The following WDR17 variants were observed in gnomAD, a reference collection of about 807,000 sequenced individuals.
The protein encoded by WDR17 is WD repeat-containing protein 17.
WDR17 carries 143 observed loss-of-function variants against 161.7 expected under a neutral mutation model. The ratio of observed to expected loss-of-function variants is 0.88; its 90% CI spans 0.77 to 1.02. WDR17 has a LOEUF of 1.02. Ranked by LOEUF, WDR17 falls within the 50% of genes least tolerant of loss-of-function variation. WDR17 has a pLI of 0.00. For missense variants in WDR17, 1,469 were observed against 1,520.9 expected (o/e 0.97, Z 0.57); for synonymous variants, 517 against 515.6 (o/e 1.00, Z -0.04).
intron 11 of WDR17, among the ~76,000 whole-genome samples, chr4:176,144,411 G>C (rs10004403): frequency 0.047 from 7,170 of 152,156 alleles, 506 homozygotes; most frequent in African/African-American, 0.15. Flanking sequence ...CTCAGTTGCT[G>C]ACCCTCACTG....
At chr4:176,131,420 T>C (rs993782508) in intron 6 of WDR17, 134 bp from the exon 7 acceptor site, 11 of 852,018 alleles carry the variant, frequency 1.3e-5, no homozygotes, top group Non-Finnish European at 1.7e-5. Flanking sequence ...AAGAACTGCT[T>C]ATGTGGGAGA....
At chr4:176,168,638 C>T (rs1452698391) in intron 22 of WDR17, 34 bp from the exon 23 acceptor site, 1 of 1,611,134 alleles carries the variant, frequency 6.2e-7, no homozygotes, top group Non-Finnish European at 8.5e-7. Flanking sequence ...AAATCTTCTC[C>T]TCAATGAAGT....
intron 7 of WDR17, among the ~76,000 whole-genome samples, chr4:176,132,415 A>C (rs976185402): frequency 2.6e-5 from 4 of 152,074 alleles, no homozygotes; most frequent in Non-Finnish European, 1.5e-5. Context: ...AGAGTTTCTA[A>C]AAATGTCCCT....
At chr4:176,162,772 T>C (rs1005987921) in intron 21 of WDR17, among the ~76,000 whole-genome samples, 1 of 152,210 alleles carries the variant, frequency 6.6e-6, no homozygotes, top group African/African-American at 2.4e-5. Flanking sequence ...TCTTTAGATA[T>C]ATTTGCTTTA....
chr4:176,139,290 A>G (rs1448676609), intron 9 of WDR17, among the ~76,000 whole-genome samples: 1 of 151,970 alleles, frequency 6.6e-6, no homozygotes, highest in Non-Finnish European at 1.5e-5. Flanking sequence ...CATGTGTAAT[A>G]TATTCCTTCT....
chr4:176,125,193 C>G lies in WDR17; in HGVS notation c.628C>G (p.Leu210Val), dbSNP rs1332752394. ...DPVTALEWDP[L>V]STDYLLVVNL... is the part of the protein sequence containing the mutation. Reference sequence around the variant, plus strand: ...AGTTACGGCCTTGGAATGGGACCCACTATCTACTGATTATCTTCTAGTGGT... The same window carrying G: ...AGTTACGGCCTTGGAATGGGACCCAGTATCTACTGATTATCTTCTAGTGGT... The change falls in exon 5 of 29, where the codon CTA (leucine) becomes GTA (valine). Residue 210 changes from leucine (L) to valine (V), a missense_variant. Physicochemically the swap from Leu to Val is conservative, Grantham distance 32 (BLOSUM62 1). Transcript: ENST00000508596. 1.2e-6 allele frequency: 2 copies of G among 1,614,168 alleles called. No homozygotes were observed. Among genetic ancestry groups the G allele is most frequent in the Non-Finnish European group, 1.7e-6 (2 of 1,180,018 alleles).
At chr4:176,124,896 A>G (rs1447932801) in intron 4 of WDR17, among the ~76,000 whole-genome samples, 2 of 152,194 alleles carry the variant, frequency 1.3e-5, no homozygotes, top group Non-Finnish European at 2.9e-5. Flanking sequence ...GAAATTGCCA[A>G]AACAGAGCAT....
intron 1 of WDR17, among the ~76,000 whole-genome samples, chr4:176,079,720 T>C (rs545926596): frequency 6.6e-6 from 1 of 152,250 alleles, no homozygotes; most frequent in South Asian, 2.1e-4. Flanking sequence ...ATAAGTTTAT[T>C]TCTTACCATT....
chr4:176,172,331 G>C (rs540677363), intron 23 of WDR17, 44 bp from the exon 24 acceptor site: 20 of 1,570,130 alleles, frequency 1.3e-5, no homozygotes, highest in Non-Finnish European at 1.5e-5. Flanking sequence ...GCTTTTATCC[G>C]TTTGAATTTT....
rs1000573052 is a variant in WDR17 at position 176,182,506 on chromosome 4, C to T, written c.*2927C>T. 4.0e-5 allele frequency: 6 copies of T among 151,378 alleles called. No homozygotes were observed. Among genetic ancestry groups the T allele is most frequent in the African/African-American group, 1.2e-4 (5 of 41,212 alleles). The allele number at this position is 151,378 out of a possible 1,614,324, so 9.4% of individuals were successfully genotyped here. On this transcript the variant is annotated 3_prime_UTR_variant, in exon 29 of 29. Coordinates refer to ENST00000508596, the MANE Select transcript of WDR17 (RefSeq NM_181265.4). This position sits in a 1 kb window ranked among gnomAD's most constrained non-coding sequence, Gnocchi z 4.2. The stretch of plus-strand genomic sequence containing the variant: ...TGACTGTATTTTGTTGTCCTTATAA[C>T]ATTTATATTATTTCAGTTTTAAGTC...
intron 9 of WDR17, among the ~76,000 whole-genome samples, chr4:176,138,546 GC>G (rs1047688421): frequency 2.0e-5 from 3 of 151,596 alleles, no homozygotes; most frequent in African/African-American, 7.3e-5. Context: ...GTTTAGCAAT[GC>G]CCCAACCTGC....
Position 176,073,923 on chromosome 4 carries a change from A to G in WDR17, c.-7+7844A>G, listed in dbSNP as rs909945553. Reference sequence around the variant, plus strand: ...GTCTTCTTTTGAGAAATGTCTGTTCATATCCTTCACCCACTTTTTGATGGG... The same window carrying G: ...GTCTTCTTTTGAGAAATGTCTGTTCGTATCCTTCACCCACTTTTTGATGGG... On this transcript the variant is annotated intron_variant, in intron 1 of 28. Coordinates refer to ENST00000508596, the MANE Select transcript of WDR17 (RefSeq NM_181265.4). 7.3e-5 allele frequency among the ~76,000 whole-genome samples: 11 copies of G among 150,368 alleles called. No individual in the cohort carries two copies. In the East Asian group the frequency reaches 2.2e-3, roughly 29 times the overall value.
intron 18 of WDR17, 135 bp downstream of exon 18, chr4:176,156,278 T>A: frequency 1.3e-6 from 1 of 774,614 alleles, no homozygotes; most frequent in Non-Finnish European, 2.0e-6. Flanking sequence ...ATTTTGTATC[T>A]ACTGATACAG....
chr4:176,155,172 T>G (rs1747864371), intron 17 of WDR17, among the ~76,000 whole-genome samples: 1 of 152,142 alleles, frequency 6.6e-6, no homozygotes. Flanking sequence ...AGTCAACATA[T>G]TTTTCAAAGT....
At chr4:176,115,680 T>TGAACA in intron 2 of WDR17, 116 bp from the exon 3 acceptor site, 1 of 712,136 alleles carries the variant, frequency 1.4e-6, no homozygotes, top group East Asian at 3.1e-5. Flanking sequence ...CATATCTTTA[T>TGAACA]TATTAGGTGA....
At chr4:176,133,447 A>G (rs924492211) in intron 7 of WDR17, among the ~76,000 whole-genome samples, 1 of 150,014 alleles carries the variant, frequency 6.7e-6, no homozygotes, top group African/African-American at 2.4e-5. Flanking sequence ...AAATTCAATA[A>G]ATTTTCTATG....
chr4:176,073,251 C>T (rs1733474513), intron 1 of WDR17, among the ~76,000 whole-genome samples: 1 of 152,142 alleles, frequency 6.6e-6, no homozygotes, highest in Admixed American at 6.5e-5. Context: ...CTTTCCCTCC[C>T]CTCTTCTCCC....
intron 1 of WDR17, among the ~76,000 whole-genome samples, chr4:176,093,683 C>T (rs1736431244): frequency 6.6e-6 from 1 of 152,014 alleles, no homozygotes; most frequent in Non-Finnish European, 1.5e-5. Flanking sequence ...CTTCTTACCT[C>T]AGTTACTGCT....
chr4:176,094,624 A>G (rs1221512455), intron 1 of WDR17, among the ~76,000 whole-genome samples: 2 of 152,224 alleles, frequency 1.3e-5, no homozygotes, highest in Non-Finnish European at 2.9e-5. Context: ...GAGAACAGTA[A>G]GTAAACTATT....
Sources: gnomAD v4.1 joint callset for allele counts (sites outside exome capture counted in the v4.1 genomes callset) on GRCh38, gnomAD v4.1.1 for gene constraint, Gnocchi (gnomAD v3.1) non-coding constraint, MANE v1.5 for transcripts, NCBI Gene and HGNC (gene_info 2026-07-23, HGNC 2026-07-21) for gene names.